Variants in SBK1 observed in about 807,000 individuals in gnomAD.
SBK1 encodes the protein serine/threonine-protein kinase SBK1.
SBK1 carries 11 observed loss-of-function variants against 24.4 expected under a neutral mutation model. The ratio of observed to expected loss-of-function variants is 0.45; its 90% CI spans 0.28 to 0.75. The LOEUF (loss-of-function observed/expected upper bound fraction) is 0.75, where lower values mean the gene tolerates loss of function less well. Among genes scored for constraint, SBK1 ranks in the 30% least tolerant of loss-of-function variants. SBK1 has a pLI of 0.12. For synonymous variants in SBK1, 308 were observed against 284.4 expected, an observed-to-expected ratio of 1.08 and a Z score of -0.83; for missense variants, 467 against 620.5, an observed-to-expected ratio of 0.75 and a Z score of 2.63.
Position 28,320,038 on chromosome 16 carries a change from G to C in SBK1, c.430-38G>C. ...GGAGGGCGGCGGGGCGGGCGCTGGA[G>C]AGCTGGAAACAGCGCGGCTTCCCCC... On this transcript the variant is annotated intron_variant, in intron 3 of 3. Coordinates refer to ENST00000341901, the MANE Select transcript of SBK1 (RefSeq NM_001024401.3). This position sits in a 1 kb window ranked among gnomAD's most constrained non-coding sequence, Gnocchi z 8.5. 6.9e-7 allele frequency: 1 copy of C among 1,440,860 alleles called. No homozygotes were observed. The highest frequency in any genetic ancestry group is 9.1e-7 in the Non-Finnish European group (1 of 1,103,946). The allele number at this position is 1,440,860 out of a possible 1,614,324, so 89.3% of individuals were successfully genotyped here. A position where few individuals can be genotyped will look rare whatever the true frequency, so the allele number is the denominator to read the frequency against.
intron 1 of SBK1, among the ~76,000 whole-genome samples, chr16:28,261,621 C>T (rs1227399017): frequency 6.6e-6 from 1 of 152,058 alleles, no homozygotes; most frequent in Non-Finnish European, 1.5e-5. Flanking sequence ...CAGAGTGAGA[C>T]CCTGTCTCAA....
chr16:28,301,919 G>T (rs769321650), intron 1 of SBK1, among the ~76,000 whole-genome samples: 3 of 152,230 alleles, frequency 2.0e-5, no homozygotes, highest in African/African-American at 7.2e-5. Flanking sequence ...ATACCCCGAA[G>T]GGAAGACAAG....
rs151313638 is a variant in SBK1 at position 28,311,896 on chromosome 16, G to T, written c.-7-5489G>T. Among the ~76,000 whole-genome samples the T allele has an allele frequency of 2.8e-3, 420 of 152,322 alleles. 2 individuals carry two copies. The highest frequency in any genetic ancestry group is 9.7e-3 in the African/African-American group (402 of 41,574). ...TCTGAGGCAGACATGCCAGAGGGCA[G>T]AGATAAGCCAAGCATCCTGTCCCTG... On this transcript the variant is annotated intron_variant, in intron 1 of 3. Coordinates refer to ENST00000341901, the MANE Select transcript of SBK1 (RefSeq NM_001024401.3).
In SBK1 at chr16:28,265,227, G is replaced by A. The variant is rs115750512; in HGVS notation, c.257+5725G>A. On this transcript the variant is annotated intron_variant, in intron 1 of 3. Coordinates refer to the SBK1 transcript ENST00000671413. Reference sequence around the variant, plus strand: ...AGGCCAGGAGTTTGAGACTAGCCTGGGCAACATGAGACCCCCATCTCTATT... The same window carrying A: ...AGGCCAGGAGTTTGAGACTAGCCTGAGCAACATGAGACCCCCATCTCTATT... Among the ~76,000 whole-genome samples, 1,232 of 151,878 alleles carry A rather than the reference G, an allele frequency of 8.1e-3. 19 individuals are homozygous for A. The highest frequency in any genetic ancestry group is 0.026 in the African/African-American group (1,059 of 41,404).
At chr16:28,265,124 A>G (rs1455090507) in intron 1 of SBK1, among the ~76,000 whole-genome samples, 1 of 150,414 alleles carries the variant, frequency 6.6e-6, no homozygotes, top group African/African-American at 2.4e-5. Context: ...GTGAGAGAGA[A>G]AAAAAAAATA....
intron 1 of SBK1, among the ~76,000 whole-genome samples, chr16:28,299,886 C>G (rs555274588): frequency 3.3e-4 from 50 of 152,328 alleles, no homozygotes; most frequent in African/African-American, 1.2e-3. Flanking sequence ...ATCTCCTGCC[C>G]TTCACTCCCT....
At chr16:28,297,658 G>A (rs1398692117) in intron 1 of SBK1, among the ~76,000 whole-genome samples, 2 of 152,206 alleles carry the variant, frequency 1.3e-5, no homozygotes, top group Non-Finnish European at 2.9e-5. Flanking sequence ...AGGATCATCA[G>A]GGGGATTAAG....
At chr16:28,292,487 G>T, upstream of SBK1, 1 of 965,916 alleles carries the variant, frequency 1.0e-6, no homozygotes, top group Non-Finnish European at 1.2e-6. Flanking sequence ...GCCGCGGGCC[G>T]GGCGGGCAGG....
At chr16:28,281,030 C>T (rs1177950038) in intron 1 of SBK1, among the ~76,000 whole-genome samples, 1 of 152,108 alleles carries the variant, frequency 6.6e-6, no homozygotes, top group Admixed American at 6.6e-5. Context: ...TCTCAGTGGC[C>T]TTAGACCCAG....
At chr16:28,282,843 G>A (rs1023510445) in intron 1 of SBK1, among the ~76,000 whole-genome samples, 3 of 152,160 alleles carry the variant, frequency 2.0e-5, no homozygotes, top group African/African-American at 7.2e-5. Context: ...AGCATACCCT[G>A]GGGTGCTGAG....
At chr16:28,274,911 T>TGA (rs1555536257) in intron 1 of SBK1, among the ~76,000 whole-genome samples, 5 of 151,828 alleles carry the variant, frequency 3.3e-5, no homozygotes, top group African/African-American at 1.2e-4. Flanking sequence ...TCTCCCAAAG[T>TGA]GGGAGGTTGG....
intron 1 of SBK1, among the ~76,000 whole-genome samples, chr16:28,265,202 A>T (rs1318362645): frequency 1.3e-5 from 2 of 152,050 alleles, no homozygotes; most frequent in African/African-American, 2.4e-5. Flanking sequence ...GGATCACTTA[A>T]GGCCAGGAGT....
rs538099406 is a variant in SBK1 at position 28,310,292 on chromosome 16, T to C, written c.-7-7093T>C. 3.5e-4 allele frequency among the ~76,000 whole-genome samples: 53 copies of C among 152,330 alleles called. 1 individual carries two copies. The highest frequency in any genetic ancestry group is 1.2e-3 in the African/African-American group (50 of 41,576). Reference sequence around the variant, plus strand: ...AGAGGTCAGAGAGGCCTCCGCTGCCTGGTGCTGGCAAGTTCACAGCCATCA... The same window carrying C: ...AGAGGTCAGAGAGGCCTCCGCTGCCCGGTGCTGGCAAGTTCACAGCCATCA... On this transcript the variant is annotated intron_variant, in intron 1 of 3. Coordinates refer to ENST00000341901, the MANE Select transcript of SBK1 (RefSeq NM_001024401.3).
intron 1 of SBK1, among the ~76,000 whole-genome samples, chr16:28,302,737 T>C (rs1271295634): frequency 1.3e-5 from 2 of 152,196 alleles, no homozygotes; most frequent in Non-Finnish European, 2.9e-5. Flanking sequence ...CAGAGGTTAA[T>C]TCATTTATTC....
Position 28,321,167 on chromosome 16 carries a change from C to T in SBK1, c.*246C>T, listed in dbSNP as rs917136995. The T allele has an allele frequency of 3.3e-6, 1 of 304,312 alleles. No homozygotes were observed. Among genetic ancestry groups the T allele is most frequent in the Non-Finnish European group, 6.0e-6 (1 of 166,044 alleles). 18.9% of individuals were successfully genotyped at this position (304,312 alleles called of 1,614,324 possible). On this transcript the variant is annotated 3_prime_UTR_variant, in exon 4 of 4. Coordinates refer to ENST00000341901, the MANE Select transcript of SBK1 (RefSeq NM_001024401.3). ...GCCAAGCCGCACAGACCCGAGAATT[C>T]GGAGGCCACCACACAACACACACAC...
chr16:28,273,883 A>G (rs982983006), intron 1 of SBK1, among the ~76,000 whole-genome samples: 2 of 152,260 alleles, frequency 1.3e-5, no homozygotes, highest in African/African-American at 4.8e-5. Flanking sequence ...TGGAACATTC[A>G]GTGATAAAAT....
At chr16:28,285,871 C>T (rs1037422448) in intron 1 of SBK1, 8 of 152,262 alleles carry the variant, frequency 5.3e-5, no homozygotes, top group African/African-American at 1.7e-4. Context: ...ATTCCCAACT[C>T]AAAGTGGCTC....
intron 1 of SBK1, among the ~76,000 whole-genome samples, chr16:28,296,705 T>C (rs1385990455): frequency 6.6e-6 from 1 of 152,144 alleles, no homozygotes; most frequent in Non-Finnish European, 1.5e-5. Flanking sequence ...CACTTTCCAC[T>C]CTTGATCCCA....
At chr16:28,271,037 G>A (rs1208507145) in intron 1 of SBK1, among the ~76,000 whole-genome samples, 1 of 151,192 alleles carries the variant, frequency 6.6e-6, no homozygotes, top group Non-Finnish European at 1.5e-5. Context: ...CTAATTTTTT[G>A]TACTTTTAGT....
Sources: allele counts gnomAD v4.1 joint callset (sites outside exome capture counted in the v4.1 genomes callset), GRCh38; gene constraint gnomAD v4.1.1; non-coding constraint Gnocchi (gnomAD v3.1); transcripts MANE v1.5; gene names NCBI Gene and HGNC (gene_info 2026-07-23, HGNC 2026-07-21).